NEXMIF: variants seen among roughly 807,000 people sequenced by gnomAD.
NEXMIF encodes the protein XLMR protein related to neurite extension.
NEXMIF carries 8 observed loss-of-function variants against 62.1 expected under a neutral mutation model. That is an observed-to-expected ratio of 0.13 (90% CI 0.08 to 0.23). NEXMIF has a LOEUF of 0.23. Ranked by LOEUF, NEXMIF falls within the 10% of genes least tolerant of loss-of-function variation. The pLI is 1.00. For synonymous variants in NEXMIF, 404 were observed against 416.6 expected, an observed-to-expected ratio of 0.97 and a Z score of 0.37; for missense variants, 976 against 1,113.3, an observed-to-expected ratio of 0.88 and a Z score of 1.75.
chrX:74,814,513 C>T (rs750051628), intron 1 of NEXMIF, among the ~76,000 whole-genome samples: 10 of 111,628 alleles, frequency 9.0e-5, no homozygotes, highest in Non-Finnish European at 1.3e-4. Flanking sequence ...AAAACATGTG[C>T]CAGGTCTCTT....
intron 1 of NEXMIF, among the ~76,000 whole-genome samples, chrX:74,869,092 G>A (rs769908202): frequency 3.6e-5 from 4 of 111,376 alleles, no homozygotes; most frequent in Non-Finnish European, 7.5e-5. Flanking sequence ...CAATATACTA[G>A]CAAAGTTCAA....
At chrX:74,871,081 T>C (rs1389062681) in intron 1 of NEXMIF, among the ~76,000 whole-genome samples, 1 of 112,045 alleles carries the variant, frequency 8.9e-6, no homozygotes, top group Admixed American at 9.5e-5. Context: ...TGTCCATCAA[T>C]AGATGAATAG....
chrX:74,836,765 T>C (rs950745002), intron 1 of NEXMIF, among the ~76,000 whole-genome samples: 6 of 111,286 alleles, frequency 5.4e-5, no homozygotes, highest in African/African-American at 2.0e-4. Flanking sequence ...GGGGGAGGCA[T>C]GGGGCAAGCA....
intron 1 of NEXMIF, among the ~76,000 whole-genome samples, chrX:74,797,176 A>G (rs1362062344): frequency 8.9e-6 from 1 of 112,074 alleles, no homozygotes; most frequent in Non-Finnish European, 1.9e-5. Flanking sequence ...TCTTAACGTT[A>G]TGGAAAAGCA....
chrX:74,788,697 T>A (rs755474417), intron 1 of NEXMIF, among the ~76,000 whole-genome samples: 2 of 111,569 alleles, frequency 1.8e-5, no homozygotes, highest in African/African-American at 3.3e-5. Context: ...CTTGCCAACA[T>A]GAAACCCAAG....
At chrX:74,825,642 C>T (rs1279975016) in intron 1 of NEXMIF, among the ~76,000 whole-genome samples, 1 of 112,056 alleles carries the variant, frequency 8.9e-6, no homozygotes, top group African/African-American at 3.2e-5. Context: ...GCAACCTTCA[C>T]CTCCCAGGTT....
chrX:74,818,360 C>A (rs778121512), intron 1 of NEXMIF, among the ~76,000 whole-genome samples: 1 of 111,501 alleles, frequency 9.0e-6, no homozygotes, highest in African/African-American at 3.3e-5. Context: ...TCAACAAGAA[C>A]AAGCAATGGG....
At chrX:74,876,841 T>C (rs2147508704) in intron 1 of NEXMIF, among the ~76,000 whole-genome samples, 2 of 107,818 alleles carry the variant, frequency 1.9e-5, no homozygotes, top group African/African-American at 6.8e-5. Flanking sequence ...TTCCATTTGC[T>C]TGGTAGATCT....
chrX:74,855,217 C>T (rs1026536513), intron 1 of NEXMIF, among the ~76,000 whole-genome samples: 7 of 111,839 alleles, frequency 6.3e-5, no homozygotes, highest in African/African-American at 2.3e-4. Context: ...TAAAAACAGA[C>T]ACACAGATAA....
Position 74,763,974 on chromosome X carries a change from G to C in NEXMIF, c.-47-18277C>G, listed in dbSNP as rs749135112. ...TACCCTTTATTTCCTTCTCCTGCCT[G>C]ATTGCCCTGGCCAGAATTTCTAACA... On this transcript the variant is annotated intron_variant, in intron 1 of 3. Transcript: ENST00000055682. Among the ~76,000 whole-genome samples the C allele has an allele frequency of 1.4e-3, 154 of 111,293 alleles. 1 individual carries two copies. The highest frequency in any genetic ancestry group is 1.4e-3 in the Admixed American group (15 of 10,414).
At chrX:74,853,873 A>T (rs1016576926) in intron 1 of NEXMIF, among the ~76,000 whole-genome samples, 1 of 111,998 alleles carries the variant, frequency 8.9e-6, no homozygotes, top group Non-Finnish European at 1.9e-5. Flanking sequence ...ACTTACCAAG[A>T]TTGAATCAGG....
chrX:74,749,855 G>A (rs1237378196), intron 1 of NEXMIF, among the ~76,000 whole-genome samples: 1 of 112,011 alleles, frequency 8.9e-6, no homozygotes, highest in Non-Finnish European at 1.9e-5. Context: ...CTCACATAGT[G>A]CTTATAACAT....
rs1396282426 is a variant in NEXMIF at position 74,838,558 on chromosome X, G to T, written c.-48+86325C>A. ...AGCCTCATCAACCAGTTTGCCAATG[G>T]GCTTTTCCTTGAATGAGTGCTATTA... is the stretch of plus-strand genomic sequence containing the variant. On this transcript the variant is annotated intron_variant, in intron 1 of 3. Transcript: ENST00000055682. Among the ~76,000 whole-genome samples, 24 of 112,295 alleles carry T rather than the reference G, an allele frequency of 2.1e-4. No individual in the cohort carries two copies. In the Admixed American group the frequency reaches 2.2e-3, roughly 10 times the overall value.
chrX:74,856,712 C>T (rs900569475), intron 1 of NEXMIF, among the ~76,000 whole-genome samples: 13 of 111,393 alleles, frequency 1.2e-4, no homozygotes, highest in African/African-American at 4.3e-4. Context: ...ATCAGGTGAG[C>T]CCCCACAGTA....
intron 1 of NEXMIF, among the ~76,000 whole-genome samples, chrX:74,838,180 C>A (rs1368286091): frequency 9.0e-6 from 1 of 111,398 alleles, no homozygotes; most frequent in Non-Finnish European, 1.9e-5. Context: ...ATCCTCATGA[C>A]TTAATGTAGG....
At chrX:74,831,656 G>A (rs2080437744) in intron 1 of NEXMIF, among the ~76,000 whole-genome samples, 2 of 110,950 alleles carry the variant, frequency 1.8e-5, no homozygotes, top group South Asian at 7.7e-4. Flanking sequence ...ATAAACATAC[G>A]TGTGCATGTG....
At chrX:74,850,699 C>T (rs765880063) in intron 1 of NEXMIF, among the ~76,000 whole-genome samples, 1 of 111,406 alleles carries the variant, frequency 9.0e-6, no homozygotes, top group African/African-American at 3.3e-5. Context: ...GCCAACACAA[C>T]AGATACATCT....
chrX:74,847,377 C>A (rs1307643850), intron 1 of NEXMIF, among the ~76,000 whole-genome samples: 2 of 111,919 alleles, frequency 1.8e-5, no homozygotes, highest in Non-Finnish European at 3.8e-5. Context: ...CAAGTACATG[C>A]ATACATATAA....
At chrX:74,884,533 T>C (rs951321110) in intron 1 of NEXMIF, among the ~76,000 whole-genome samples, 1 of 111,046 alleles carries the variant, frequency 9.0e-6, no homozygotes, top group Admixed American at 9.5e-5. Context: ...CCAACAAAGA[T>C]CAAAAGAGAC....
Sources: gnomAD v4.1 joint callset for allele counts (sites outside exome capture counted in the v4.1 genomes callset) on GRCh38, gnomAD v4.1.1 for gene constraint, MANE v1.5 for transcripts, NCBI Gene and HGNC (gene_info 2026-07-23, HGNC 2026-07-21) for gene names.